TECTA: variants seen among roughly 807,000 people sequenced by gnomAD.
TECTA encodes the protein alpha-tectorin.
In TECTA, 128 loss-of-function variants were observed where a neutral mutation model predicts 216.8. The ratio of observed to expected loss-of-function variants is 0.59; its 90% CI spans 0.51 to 0.68. The LOEUF (loss-of-function observed/expected upper bound fraction) is 0.68. Among genes scored for constraint, TECTA ranks in the 30% least tolerant of loss-of-function variants. The probability of loss-of-function intolerance (pLI) is 0.00; values close to 1 mark genes in which losing one functional copy is unlikely to be tolerated. For synonymous variants in TECTA, 1,089 were observed against 1,117.1 expected, an observed-to-expected ratio of 0.97 and a Z score of 0.50; for missense variants, 2,551 against 2,786.2, an observed-to-expected ratio of 0.92 and a Z score of 1.90.
chr11:121,140,167 A>G (rs1048258772), intron 11 of TECTA, among the ~76,000 whole-genome samples: 6 of 151,636 alleles, frequency 4.0e-5, no homozygotes, highest in African/African-American at 1.2e-4. Context: ...TGTGTTACAC[A>G]CTCTCTGCAT....
chr11:121,130,239 G>A, intron 10 of TECTA, 28 bp downstream of exon 10: 1 of 1,597,394 alleles, frequency 6.3e-7, no homozygotes. Flanking sequence ...TCTGGGAGAG[G>A]CTTTCTAGCT....
chr11:121,141,942 G>C (rs1946788615), intron 11 of TECTA, among the ~76,000 whole-genome samples: 1 of 152,224 alleles, frequency 6.6e-6, no homozygotes, highest in Admixed American at 6.5e-5. Flanking sequence ...TGAGAGCACA[G>C]AGGAGGGGTT....
chr11:121,164,087 G>A (rs779599818), intron 16 of TECTA, among the ~76,000 whole-genome samples: 5 of 152,342 alleles, frequency 3.3e-5, no homozygotes, highest in South Asian at 4.1e-4. Context: ...CGTGGCAGCT[G>A]AGTCAGAAGA....
intron 3 of TECTA, among the ~76,000 whole-genome samples, chr11:121,107,475 A>C (rs1946401428): frequency 1.3e-5 from 2 of 152,236 alleles, no homozygotes. Flanking sequence ...CTTGCTTCCA[A>C]ACACGTAGAC....
At position 121,189,876 on chromosome 11, in the gene TECTA, C is replaced by T. The variant is rs1947325222; in HGVS notation, c.6363C>T (p.Cys2121=). ...CCCTGCAGGAGGACGGCAAGAGCTG[C>T]AGAGGTAGACACTCTTCTACCCTGG... is the stretch of plus-strand genomic sequence containing the variant. ...TGTLQEDGKS[C]RASNSSMELQ... The change falls in exon 23 of 24, where the codon TGC becomes TGT. Residue 2121 remains cysteine (C), a synonymous_variant. Transcript: ENST00000392793. 1 of 1,612,106 alleles carries T rather than the reference C, an allele frequency of 6.2e-7. No homozygotes were observed. The highest frequency in any genetic ancestry group is 8.5e-7 in the Non-Finnish European group (1 of 1,179,380).
At chr11:121,106,536 C>A (rs529823217) in intron 3 of TECTA, among the ~76,000 whole-genome samples, 1 of 152,286 alleles carries the variant, frequency 6.6e-6, no homozygotes, top group South Asian at 2.1e-4. Context: ...TCCTAGGCAC[C>A]TGTGTTCTCA....
At chr11:121,170,020 C>T (rs1012244232) in intron 20 of TECTA, among the ~76,000 whole-genome samples, 1 of 152,130 alleles carries the variant, frequency 6.6e-6, no homozygotes, top group African/African-American at 2.4e-5. Context: ...AGCTTCTTTC[C>T]CAGCCTCTGG....
intron 7 of TECTA, among the ~76,000 whole-genome samples, chr11:121,119,423 A>G (rs1436891796): frequency 4.6e-5 from 7 of 152,198 alleles, no homozygotes; most frequent in Non-Finnish European, 7.3e-5. Flanking sequence ...CCAGTTTAGC[A>G]TATGCAAATG....
At chr11:121,145,049 G>A (rs1044055489) in intron 11 of TECTA, among the ~76,000 whole-genome samples, 3 of 152,182 alleles carry the variant, frequency 2.0e-5, no homozygotes, top group African/African-American at 7.2e-5. Flanking sequence ...CATTGGAGCA[G>A]GGTCTGGAGG....
At chr11:121,132,492 G>T (rs532047758) in intron 10 of TECTA, among the ~76,000 whole-genome samples, 3 of 152,178 alleles carry the variant, frequency 2.0e-5, no homozygotes, top group Non-Finnish European at 4.4e-5. Flanking sequence ...TGAGGAGATA[G>T]GATCTGGGTG....
At chr11:121,187,699 A>C (rs1947301103) in intron 20 of TECTA, 133 bp from the exon 21 acceptor site, 1 of 935,524 alleles carries the variant, frequency 1.1e-6, no homozygotes, top group Non-Finnish European at 1.7e-6. Context: ...TCCAGGGGTC[A>C]CTTTCAAATG....
intron 23 of TECTA, 47 bp downstream of exon 23, chr11:121,189,927 G>A (rs751252095): frequency 6.7e-7 from 1 of 1,494,096 alleles, no homozygotes; most frequent in East Asian, 2.3e-5. Context: ...GACACGGGAG[G>A]TTCTTTACCA....
intron 22 of TECTA, 49 bp from the exon 23 acceptor site, chr11:121,189,715 G>A: frequency 1.9e-6 from 3 of 1,546,102 alleles, no homozygotes; most frequent in Non-Finnish European, 2.7e-6. Flanking sequence ...CAATACCAGT[G>A]GAAGGGTTGA....
At chr11:121,111,769 A>G (rs567091509) in intron 4 of TECTA, among the ~76,000 whole-genome samples, 1 of 152,308 alleles carries the variant, frequency 6.6e-6, no homozygotes, top group African/African-American at 2.4e-5. Context: ...TCTTGAGCCT[A>G]CTGCTCACTC....
chr11:121,179,972 T>C (rs1302706513), intron 20 of TECTA, among the ~76,000 whole-genome samples: 1 of 146,462 alleles, frequency 6.8e-6, no homozygotes, highest in Admixed American at 6.9e-5. Flanking sequence ...GTTTGTTTGT[T>C]TGTTTTTTTT....
At chr11:121,156,842 T>A (rs749669389) in intron 13 of TECTA, among the ~76,000 whole-genome samples, 7 of 152,038 alleles carry the variant, frequency 4.6e-5, no homozygotes, top group Non-Finnish European at 1.0e-4. Flanking sequence ...AAAGTGACAC[T>A]GGGGAGGTGA....
intron 20 of TECTA, among the ~76,000 whole-genome samples, chr11:121,175,403 C>T (rs1325063746): frequency 1.3e-5 from 2 of 152,052 alleles, no homozygotes; most frequent in African/African-American, 2.4e-5. Context: ...TCTTTATTCT[C>T]GTTGGTTTCA....
rs1946746981 is a variant in TECTA at position 121,137,850 on chromosome 11, T to G, written c.3371T>G (p.Leu1124Arg). 1 of 1,608,582 alleles carries G rather than the reference T, an allele frequency of 6.2e-7. No individual in the cohort carries two copies. Among genetic ancestry groups the G allele is most frequent in the Non-Finnish European group, 8.5e-7 (1 of 1,175,744 alleles). Residue 1124 changes from leucine (L) to arginine (R), a missense_variant, in exon 11 of 24, where the codon CTC becomes CGC. Leu to Arg is a moderately radical substitution (Grantham distance 102, BLOSUM62 -2). Transcript: ENST00000392793. ...TTTGACTTCCAGACCAGCTGCCCAC[T>G]CATCCTGTGCACCACAGGAAGCAGG... is the stretch of plus-strand genomic sequence containing the variant. ...FPFDFQTSCP[L>R]ILCTTGSRPS...
chr11:121,168,065 G>T lies in TECTA; in HGVS notation c.5598G>T (p.Thr1866=). 2 of 1,614,110 alleles carry T rather than the reference G, an allele frequency of 1.2e-6. No individual in the cohort carries two copies. Among genetic ancestry groups the T allele is most frequent in the Non-Finnish European group, 1.7e-6 (2 of 1,179,986 alleles). ...CCCTTGTTCTGCAGTCCAATGGCAC[G>T]CATATCATGTATAAAAACACACTCT... is the stretch of plus-strand genomic sequence containing the variant. ...NCGNIVQSNG[T]HIMYKNTLWI... is the part of the protein sequence containing the mutation. Residue 1866 remains threonine, a synonymous_variant, in exon 19 of 24, where the codon ACG becomes ACT. Transcript: ENST00000392793.
Sources: gnomAD v4.1 joint callset for allele counts (sites outside exome capture counted in the v4.1 genomes callset) on GRCh38, gnomAD v4.1.1 for gene constraint, MANE v1.5 for transcripts, NCBI Gene and HGNC (gene_info 2026-07-23, HGNC 2026-07-21) for gene names.